The following BFSP1 variants were observed in gnomAD, a reference collection of about 807,000 sequenced individuals.
BFSP1 encodes beaded filament structural protein 1.
In BFSP1, 38 loss-of-function variants were observed where a neutral mutation model predicts 43.9. That is an observed-to-expected ratio of 0.87 (90% CI 0.67 to 1.14). The LOEUF (loss-of-function observed/expected upper bound fraction) is 1.14, where lower values mean the gene tolerates loss of function less well. Among genes scored for constraint, BFSP1 ranks in the 50% most tolerant of loss-of-function variants. The probability of loss-of-function intolerance (pLI) is 0.00; values close to 1 mark genes in which losing one functional copy is unlikely to be tolerated. For synonymous variants in BFSP1, 352 were observed against 354.8 expected (o/e 0.99, Z 0.09); for missense variants, 850 against 875.1 (o/e 0.97, Z 0.36).
upstream of BFSP1, among the ~76,000 whole-genome samples, chr20:17,535,050 A>G (rs1481272069): frequency 6.6e-6 from 1 of 152,196 alleles, no homozygotes; most frequent in Non-Finnish European, 1.5e-5. Flanking sequence ...TAAATGCAAT[A>G]TGGATCCTAG....
In BFSP1 at chr20:17,542,342, C is replaced by A. The variant is rs1478896144; in HGVS notation, c.2+16346G>T. Reference sequence around the variant, plus strand: ...TTGTGGCTCATGCCTGTAATCCCTGCACTTTAGGAGGCCGAGATAGGAGGA... The same window carrying A: ...TTGTGGCTCATGCCTGTAATCCCTGAACTTTAGGAGGCCGAGATAGGAGGA... On this transcript the variant is annotated intron_variant, in intron 1 of 7. Transcript: ENST00000377868. 2.6e-5 allele frequency among the ~76,000 whole-genome samples: 4 copies of A among 151,106 alleles called. No individual in the cohort carries two copies. In the Admixed American group the frequency reaches 2.7e-4, roughly 10 times the overall value.
rs6080719 is a variant in BFSP1, at chr20:17,496,947, C to T, written c.1033G>A (p.Gly345Ser). ...TGTTGGGGAGCGTTACCTTTCCCAC[C>T]GGATCCAGTGCTGAGAGAGACTCCA... ...SHGVSLSTGS[G>S]GKDLTRALQD... Residue 345 changes from glycine (G) to serine (S), a missense_variant, in exon 7 of 8, where the codon GGT becomes AGT. Physicochemically the swap from Gly to Ser is moderately conservative, Grantham distance 56. Transcript: ENST00000377873. 0.25 allele frequency: 376,065 copies of T among 1,533,522 alleles called. 48,505 individuals carry two copies. The highest frequency in any genetic ancestry group is 0.39 in the East Asian group (15,446 of 39,596). 95.0% of individuals were successfully genotyped at this position (1,533,522 alleles called of 1,614,324 possible). A position where few individuals can be genotyped will look rare whatever the true frequency, so the allele number is the denominator to read the frequency against.
At chr20:17,534,319 T>C (rs1195576751), upstream of BFSP1, among the ~76,000 whole-genome samples, 2 of 152,208 alleles carry the variant, frequency 1.3e-5, no homozygotes, top group Non-Finnish European at 2.9e-5. Context: ...TGAGGTTAAG[T>C]TCTGGTCCCA....
intron 1 of BFSP1, among the ~76,000 whole-genome samples, chr20:17,556,326 G>T (rs1355911530): frequency 6.6e-6 from 1 of 151,876 alleles, no homozygotes; most frequent in Non-Finnish European, 1.5e-5. Flanking sequence ...AACATAGCAA[G>T]ACTCTACAAA....
Position 17,512,081 on chromosome 20 carries a change from G to A in BFSP1, c.535-13C>T, listed in dbSNP as rs1170308999. ...CTTCCAGAAGATTCTGTTGGGGGAGGGAAAACATTCTCATTATAAGTTGAG... is the reference window on the plus strand; with the variant it reads ...CTTCCAGAAGATTCTGTTGGGGGAGAGAAAACATTCTCATTATAAGTTGAG... On this transcript the variant is annotated splice_polypyrimidine_tract_variant and intron_variant, in intron 3 of 7. Coordinates refer to ENST00000377873, the MANE Select transcript of BFSP1 (RefSeq NM_001195.5). 2.5e-6 allele frequency: 4 copies of A among 1,579,522 alleles called. No individual in the cohort carries two copies. The African/African-American group carries it at 4.0e-5, about 16-fold the overall frequency.
intron 1 of BFSP1, 53 bp downstream of exon 1, chr20:17,530,900 C>A: frequency 7.5e-7 from 1 of 1,328,582 alleles, no homozygotes; most frequent in Non-Finnish European, 9.6e-7. Context: ...CAGCCCCGCG[C>A]CGCCGGGACG....
At chr20:17,549,185 T>C (rs2034855549) in intron 1 of BFSP1, among the ~76,000 whole-genome samples, 1 of 152,238 alleles carries the variant, frequency 6.6e-6, no homozygotes, top group Non-Finnish European at 1.5e-5. Context: ...TGTTTGTTAT[T>C]CCTTCTCAGC....
chr20:17,533,385 T>C (rs1278534713), upstream of BFSP1, among the ~76,000 whole-genome samples: 1 of 152,172 alleles, frequency 6.6e-6, no homozygotes, highest in Admixed American at 6.5e-5. Context: ...TATGATACCA[T>C]GTATCAGTCA....
rs1381556730 is a variant in BFSP1 at position 17,494,792 on chromosome 20, G to A, written c.1280C>T (p.Ala427Val). 7 of 1,614,082 alleles carry A rather than the reference G, an allele frequency of 4.3e-6. No homozygotes were observed. Among genetic ancestry groups the A allele is most frequent in the Non-Finnish European group, 5.9e-6 (7 of 1,180,050 alleles). ...CCCTCCATCTGGCACATCCTCTGGA[G>A]CCCCTTCTTGTGTCAGGGGACTTAC... The part of the protein sequence containing the change: ...KEVSPLTQEG[A>V]PEDVPDGGQI... The change falls in exon 8 of 8, where the codon GCT becomes GTT. Residue 427 changes from alanine to valine, a missense_variant. Transcript: ENST00000377873.
chr20:17,555,186 A>G (rs1281093410), intron 1 of BFSP1, among the ~76,000 whole-genome samples: 1 of 150,518 alleles, frequency 6.6e-6, no homozygotes, highest in African/African-American at 2.4e-5. Flanking sequence ...CTGTGGTCCC[A>G]GCTACATGGG....
intron 1 of BFSP1, among the ~76,000 whole-genome samples, chr20:17,548,352 A>G: frequency 6.6e-6 from 1 of 152,168 alleles, no homozygotes; most frequent in East Asian, 1.9e-4. Context: ...TCTTGGCCTG[A>G]TGATTTGCAT....
At chr20:17,569,097 A>G (rs1275922708) in intron 1 of BFSP1, 1 of 152,288 alleles carries the variant, frequency 6.6e-6, no homozygotes, top group Non-Finnish European at 1.5e-5. Context: ...TTTCCCAGCC[A>G]CACCCCTGCG....
At chr20:17,558,818 G>A (rs1180403854) in exon 1 of BFSP1, 24 of 1,369,022 alleles carry the variant, frequency 1.8e-5, no homozygotes, top group Non-Finnish European at 2.3e-5. Context: ...AGAGGGCCAG[G>A]TCTGGGCTGA....
chr20:17,565,076 A>G (rs1270010936), intron 1 of BFSP1, among the ~76,000 whole-genome samples: 4 of 151,990 alleles, frequency 2.6e-5, no homozygotes, highest in African/African-American at 9.7e-5. Flanking sequence ...AAAAATGACC[A>G]TCACCCCTGA....
At chr20:17,542,355 C>G (rs149492702) in intron 1 of BFSP1, among the ~76,000 whole-genome samples, 2 of 149,812 alleles carry the variant, frequency 1.3e-5, no homozygotes, top group South Asian at 4.2e-4. Flanking sequence ...TTTAGGAGGC[C>G]GAGATAGGAG....
rs1482326090 is a variant in BFSP1 at position 17,507,268 on chromosome 20, GGTAGGTGTGT to G, written c.735+1611_735+1620del. On this transcript the variant is annotated intron_variant, in intron 5 of 7. Transcript: ENST00000377873. This position sits in a 1 kb window ranked among gnomAD's most constrained non-coding sequence, Gnocchi z 4.4. Reference sequence around the variant, plus strand: ...CATTGCGAGCCATACACATCAGATAGGTAGGTGTGTGTGTGTGTGTGTGTGTGTGTGTGTG... The same window carrying G: ...CATTGCGAGCCATACACATCAGATAGGTGTGTGTGTGTGTGTGTGTGTGTG... 3.0e-4 allele frequency among the ~76,000 whole-genome samples: 41 copies of G among 137,948 alleles called. No individual in the cohort carries two copies. Among genetic ancestry groups the G allele is most frequent in the African/African-American group, 1.3e-3 (41 of 32,186 alleles). The allele number at this position is 137,948 out of a possible 152,430, so 90.5% of individuals were successfully genotyped here.
chr20:17,533,338 C>G (rs1379485707), upstream of BFSP1, among the ~76,000 whole-genome samples: 1 of 152,134 alleles, frequency 6.6e-6, no homozygotes, highest in Non-Finnish European at 1.5e-5. Context: ...GAGAGCAAAA[C>G]CAACATATAG....
At chr20:17,566,695 C>T (rs1025769778) in intron 1 of BFSP1, among the ~76,000 whole-genome samples, 10 of 152,112 alleles carry the variant, frequency 6.6e-5, no homozygotes, top group African/African-American at 1.7e-4. Context: ...CGCTCTGTTG[C>T]CCAGGATGGA....
chr20:17,521,500 C>T (rs1465940334), intron 2 of BFSP1, among the ~76,000 whole-genome samples: 1 of 152,194 alleles, frequency 6.6e-6, no homozygotes, highest in Non-Finnish European at 1.5e-5. Flanking sequence ...AGGAAATGGC[C>T]ACTGAGACTG....
Sources: allele counts gnomAD v4.1 joint callset (sites outside exome capture counted in the v4.1 genomes callset), GRCh38; gene constraint gnomAD v4.1.1; non-coding constraint Gnocchi (gnomAD v3.1); transcripts MANE v1.5; gene names NCBI Gene and HGNC (gene_info 2026-07-23, HGNC 2026-07-21).